ITGB5: variants seen among roughly 807,000 people sequenced by gnomAD.
ITGB5 encodes the protein integrin subunit beta 5.
ITGB5 carries 38 observed loss-of-function variants against 84.8 expected under a neutral mutation model. That is an observed-to-expected ratio of 0.45 (90% CI 0.35 to 0.59). The LOEUF is 0.59. Ranked by LOEUF, ITGB5 falls within the 20% of genes least tolerant of loss-of-function variation. The pLI, the probability that ITGB5 is intolerant of heterozygous loss-of-function variation, is 0.01. For missense variants in ITGB5, 905 were observed against 1,034.5 expected (o/e 0.87, Z 1.72); for synonymous variants, 393 against 414.4 (o/e 0.95, Z 0.63).
At chr3:124,848,808 G>A (rs2065113389) in intron 3 of ITGB5, among the ~76,000 whole-genome samples, 1 of 151,460 alleles carries the variant, frequency 6.6e-6, no homozygotes, top group Non-Finnish European at 1.5e-5. Flanking sequence ...TTGAGACAGT[G>A]TTGCTCTGTC....
At chr3:124,861,951 A>C (rs1326515694) in intron 2 of ITGB5, 1 of 152,300 alleles carries the variant, frequency 6.6e-6, no homozygotes, top group African/African-American at 2.4e-5. Context: ...AAGCAGTGAG[A>C]AGAAAAACAC....
intron 10 of ITGB5, among the ~76,000 whole-genome samples, chr3:124,774,785 A>ACAGCAG (rs572103784): frequency 2.0e-5 from 3 of 151,960 alleles, no homozygotes; most frequent in Non-Finnish European, 4.4e-5. Context: ...GATGCTGAGA[A>ACAGCAG]CAGCAGCAGC....
chr3:124,884,929 C>T (rs1934733225), intron 1 of ITGB5, among the ~76,000 whole-genome samples: 1 of 152,020 alleles, frequency 6.6e-6, no homozygotes, highest in South Asian at 2.1e-4. Context: ...TGTACGTGAA[C>T]TCTGAAAAAG....
chr3:124,853,874 A>G (rs989213044), intron 3 of ITGB5, among the ~76,000 whole-genome samples: 2 of 152,206 alleles, frequency 1.3e-5, no homozygotes, highest in African/African-American at 4.8e-5. Context: ...AATTATTTCA[A>G]AATGTAAGAA....
In ITGB5 at chr3:124,784,846, G is replaced by A. The variant is rs151233031; in HGVS notation, c.1694-10934C>T. On this transcript the variant is annotated intron_variant, in intron 10 of 14. Transcript: ENST00000296181. ...TGAACTCGCCACCCTCTTGGTCACC[G>A]CAACAGGATGCGAGGGTTACTATTT... Among the ~76,000 whole-genome samples the A allele has an allele frequency of 1.2e-3, 186 of 152,326 alleles. 2 individuals are homozygous for A. Among genetic ancestry groups the A allele is most frequent in the South Asian group, 6.0e-3 (29 of 4,826 alleles).
At position 124,796,738 on chromosome 3, in the gene ITGB5, C is replaced by T. The variant is rs1233231417; in HGVS notation, c.1343G>A (p.Gly448Glu). ...CCCCACCTCCAGGCTGTCCCGGAAT[C>T]CCACCGGCCGCAGGGCAAACACATG... ...TEHVFALRPVGFRDSLEVGVT... is the reference protein window; with the variant it reads ...TEHVFALRPVEFRDSLEVGVT... The change falls in exon 10 of 15, where the codon GGA becomes GAA. Residue 448 changes from glycine to glutamate, a missense_variant. Physicochemically the swap from Gly to Glu is moderately conservative, Grantham distance 98. Around this residue, in one of 3 missense-constraint regions of ITGB5, gnomAD observed 656 missense variants for 734.7 expected, o/e 0.89. Coordinates refer to ENST00000296181, the MANE Select transcript of ITGB5 (RefSeq NM_002213.5). The T allele has an allele frequency of 1.9e-6, 3 of 1,614,110 alleles. No homozygotes were observed. The highest frequency in any genetic ancestry group is 1.7e-5 in the Admixed American group (1 of 60,028).
At position 124,769,031 on chromosome 3, in the gene ITGB5, T is replaced by C; in HGVS notation, c.1999A>G (p.Thr667Ala). 3.7e-6 allele frequency: 6 copies of C among 1,613,658 alleles called. No individual in the cohort carries two copies. Among genetic ancestry groups the C allele is most frequent in the Non-Finnish European group, 5.1e-6 (6 of 1,179,920 alleles). ...CHSLCRDEVI[T>A]WVDTIVKDDQ... is the part of the protein sequence containing the mutation. ...CACTCACCGATGGTGTCCACCCATG[T>C]GATCACCTCATCCCTGCATAGGCTG... Residue 667 changes from threonine (T) to alanine (A), a missense_variant, in exon 12 of 15, where the codon ACA becomes GCA. This residue lies in a region of ITGB5 where 116 missense variants were observed against 177.0 expected (regional missense o/e 0.66). Transcript: ENST00000296181.
chr3:124,826,078 T>TAAG (rs2064781484), intron 5 of ITGB5, among the ~76,000 whole-genome samples: 1 of 152,170 alleles, frequency 6.6e-6, no homozygotes, highest in Non-Finnish European at 1.5e-5. Flanking sequence ...ACAAACTACT[T>TAAG]AAGAAACAAG....
At chr3:124,775,210 G>A (rs1357902615) in intron 10 of ITGB5, among the ~76,000 whole-genome samples, 2 of 152,222 alleles carry the variant, frequency 1.3e-5, no homozygotes, top group Non-Finnish European at 2.9e-5. Flanking sequence ...GTGCTTGTGA[G>A]AAAGCGAGTG....
chr3:124,887,865 G>A (rs1934902633), upstream of ITGB5: 1 of 281,192 alleles, frequency 3.6e-6, no homozygotes. Flanking sequence ...GATGAGCAAG[G>A]GAGGGCGTGG....
chr3:124,894,290 T>C (rs1935058260), intron 1 of ITGB5, among the ~76,000 whole-genome samples: 1 of 151,794 alleles, frequency 6.6e-6, no homozygotes, highest in South Asian at 2.1e-4. Context: ...CCCACCACCA[T>C]GCCCGGCTAA....
At chr3:124,772,391 A>G (rs2063858987) in intron 11 of ITGB5, among the ~76,000 whole-genome samples, 1 of 152,208 alleles carries the variant, frequency 6.6e-6, no homozygotes, top group South Asian at 2.1e-4. Context: ...TCTGCCACCC[A>G]GAACGTTTCC....
intron 9 of ITGB5, among the ~76,000 whole-genome samples, chr3:124,803,229 C>T (rs1450405459): frequency 6.6e-6 from 1 of 152,168 alleles, no homozygotes; most frequent in Admixed American, 6.5e-5. Flanking sequence ...CCATAAGTGG[C>T]CATGACACCA....
intron 1 of ITGB5, among the ~76,000 whole-genome samples, chr3:124,876,211 T>C (rs62265647): frequency 0.16 from 24,943 of 152,136 alleles, 2,300 homozygotes; most frequent in South Asian, 0.22. Flanking sequence ...AGCTGGATGG[T>C]AGTAATCACT....
In ITGB5 at chr3:124,766,367, A is replaced by C. The variant is rs1182990726; in HGVS notation, c.2018-22T>G. The C allele has an allele frequency of 2.5e-6, 4 of 1,613,268 alleles. No individual in the cohort carries two copies. In the Admixed American group the frequency reaches 6.7e-5, roughly 27 times the overall value. ...TTCACTGGAAGAAAACCAAGCGGGA[A>C]TGGCCTGAGTCTCTCTGAGCAGCCC... On this transcript the variant is annotated intron_variant, in intron 12 of 14. Transcript: ENST00000296181.
intron 1 of ITGB5, among the ~76,000 whole-genome samples, chr3:124,879,859 G>C (rs185523880): frequency 2.0e-5 from 3 of 152,288 alleles, no homozygotes; most frequent in Admixed American, 2.0e-4. Flanking sequence ...TTTATAATAG[G>C]AACTATATAG....
At chr3:124,852,980 C>T (rs2065177080) in intron 3 of ITGB5, among the ~76,000 whole-genome samples, 4 of 152,158 alleles carry the variant, frequency 2.6e-5, no homozygotes, top group Admixed American at 2.0e-4. Context: ...AGCCACATGC[C>T]CAGCCTCAAA....
intron 10 of ITGB5, among the ~76,000 whole-genome samples, chr3:124,784,570 A>AG (rs1303075559): frequency 1.3e-5 from 2 of 152,242 alleles, no homozygotes; most frequent in African/African-American, 4.8e-5. Context: ...AAGGCAGTGG[A>AG]GGGAAGATGG....
intron 13 of ITGB5, among the ~76,000 whole-genome samples, chr3:124,766,021 C>T (rs2063760805): frequency 6.8e-6 from 1 of 147,966 alleles, no homozygotes; most frequent in Admixed American, 6.8e-5. Context: ...GATGGCACCA[C>T]TGCACTCTAG....
Sources: gnomAD v4.1 joint callset for allele counts (sites outside exome capture counted in the v4.1 genomes callset) on GRCh38, gnomAD v4.1.1 for gene constraint, gnomAD v4.1.1 regional missense constraint, MANE v1.5 for transcripts, NCBI Gene and HGNC (gene_info 2026-07-23, HGNC 2026-07-21) for gene names.